RANBP9: variants seen among roughly 807,000 people sequenced by gnomAD.
RANBP9 encodes the protein ran-binding protein 9.
A neutral mutation model predicts 84.3 loss-of-function variants in RANBP9; 15 were observed. That is an observed-to-expected ratio of 0.18 (90% CI 0.12 to 0.27). The LOEUF (loss-of-function observed/expected upper bound fraction) is 0.27, where lower values mean the gene tolerates loss of function less well. Among genes scored for constraint, RANBP9 ranks in the 10% least tolerant of loss-of-function variants. The pLI, the probability that RANBP9 is intolerant of heterozygous loss-of-function variation, is 1.00. For synonymous variants in RANBP9, 392 were observed against 349.6 expected, an observed-to-expected ratio of 1.12 and a Z score of -1.35; for missense variants, 809 against 912.8, an observed-to-expected ratio of 0.89 and a Z score of 1.46.
At position 13,641,684 on chromosome 6, in the gene RANBP9, A is replaced by G. The variant is rs187687046; in HGVS notation, c.1226-377T>C. ...ACTGAAAAATGCTAGCTTTTGACTA[A>G]GATTCCAATTTAACAGAGACTCGTT... On this transcript the variant is annotated intron_variant, in intron 7 of 13. Coordinates refer to ENST00000011619, the MANE Select transcript of RANBP9 (RefSeq NM_005493.3). Among the ~76,000 whole-genome samples, 13 of 152,334 alleles carry G rather than the reference A, an allele frequency of 8.5e-5. 1 individual carries two copies. The highest frequency in any genetic ancestry group is 7.8e-4 in the Admixed American group (12 of 15,302).
chr6:13,680,942 TC>T (rs1420935723), intron 2 of RANBP9, among the ~76,000 whole-genome samples: 2 of 152,162 alleles, frequency 1.3e-5, no homozygotes, highest in African/African-American at 4.8e-5. Flanking sequence ...CCTCGAAGTA[TC>T]TTTGGGATAA....
chr6:13,635,567 T>C (rs1485093465), intron 10 of RANBP9, among the ~76,000 whole-genome samples: 1 of 151,122 alleles, frequency 6.6e-6, no homozygotes, highest in Non-Finnish European at 1.5e-5. Flanking sequence ...TTCTAACACC[T>C]TGGGGGTGTG....
At chr6:13,634,954 G>A (rs781146030) in intron 10 of RANBP9, among the ~76,000 whole-genome samples, 4 of 152,038 alleles carry the variant, frequency 2.6e-5, no homozygotes, top group Non-Finnish European at 2.9e-5. Flanking sequence ...GTATGTAAGG[G>A]GAAAACCTCA....
intron 1 of RANBP9, among the ~76,000 whole-genome samples, chr6:13,709,989 T>C (rs1359798917): frequency 6.6e-6 from 1 of 152,198 alleles, no homozygotes; most frequent in African/African-American, 2.4e-5. Flanking sequence ...ATACGTTAGG[T>C]TGATTTTTTT....
chr6:13,671,889 AC>A (rs1343312198), intron 2 of RANBP9, among the ~76,000 whole-genome samples: 3 of 152,280 alleles, frequency 2.0e-5, no homozygotes, highest in African/African-American at 7.2e-5. Flanking sequence ...AAGCAGAACA[AC>A]TGAAAATCAA....
At chr6:13,707,851 C>T (rs1325947286) in intron 1 of RANBP9, among the ~76,000 whole-genome samples, 9 of 152,214 alleles carry the variant, frequency 5.9e-5, no homozygotes, top group African/African-American at 2.2e-4. Flanking sequence ...ATCATTATAA[C>T]TAAGTCTAAA....
chr6:13,632,655 T>A (rs1193090866), intron 11 of RANBP9, 134 bp from the exon 12 acceptor site: 1 of 854,354 alleles, frequency 1.2e-6, no homozygotes, highest in Non-Finnish European at 1.8e-6. Flanking sequence ...TGCAGATTGT[T>A]AAAAATTCAT....
intron 6 of RANBP9, among the ~76,000 whole-genome samples, chr6:13,643,428 G>A (rs1478204461): frequency 6.6e-6 from 1 of 152,164 alleles, no homozygotes; most frequent in Non-Finnish European, 1.5e-5. Flanking sequence ...AGAAAATCGT[G>A]GGAAGCAGTG....
In RANBP9 at chr6:13,622,397, A is replaced by C. The variant is rs754094577; in HGVS notation, c.2155T>G (p.Cys719Gly). Reference protein sequence around the residue: ...GLMARSGIGSCAFATVEDYLH With the variant: ...GLMARSGIGSGAFATVEDYLH ...TAGTCTTCCACTGTGGCAAATGCGCAGGATCCAATTCCTGATCGAGCCATC... is the reference window on the plus strand; with the variant it reads ...TAGTCTTCCACTGTGGCAAATGCGCCGGATCCAATTCCTGATCGAGCCATC... The change falls in exon 14 of 14, where the codon TGC becomes GGC. Residue 719 changes from cysteine to glycine, a missense_variant. By Grantham distance (159) the Cys-to-Gly change is radical. This residue lies in a region of RANBP9 where 233 missense variants were observed against 234.4 expected (regional missense o/e 0.99). Coordinates refer to ENST00000011619, the MANE Select transcript of RANBP9 (RefSeq NM_005493.3). 2.6e-5 allele frequency: 42 copies of C among 1,599,884 alleles called. No homozygotes were observed. The highest frequency in any genetic ancestry group is 3.5e-5 in the Non-Finnish European group (41 of 1,172,974).
intron 2 of RANBP9, among the ~76,000 whole-genome samples, chr6:13,686,107 C>T (rs1361992975): frequency 0.15 from 1,024 of 6,644 alleles, 104 homozygotes; most frequent in Admixed American, 0.22. Flanking sequence ...TCTTCCCCCC[C>T]CCCCCCCCGC....
At position 13,711,230 on chromosome 6, in the gene RANBP9, AGGGGGAGGCGGGGGCGGCGGC is replaced by A; in HGVS notation, c.255_275del (p.Pro86_Pro92del). 2 of 319,562 alleles carry A rather than the reference AGGGGGAGGCGGGGGCGGCGGC, an allele frequency of 6.3e-6. No individual in the cohort carries two copies. Among genetic ancestry groups the A allele is most frequent in the South Asian group, 1.4e-4 (1 of 7,052 alleles). 19.8% of individuals were successfully genotyped at this position (319,562 alleles called of 1,614,324 possible). On this transcript the variant is annotated inframe_deletion, in exon 1 of 14. Coordinates refer to ENST00000011619, the MANE Select transcript of RANBP9 (RefSeq NM_005493.3). ...CGCTGGCGGGGGCAGCCGCTGAGGCAGGGGGAGGCGGGGGCGGCGGCGGGGGCGGCGGGGCCGCGGTGGCCG... is the reference window on the plus strand; with the variant it reads ...CGCTGGCGGGGGCAGCCGCTGAGGCAGGGGGCGGCGGGGCCGCGGTGGCCG...
chr6:13,636,333 A>G (rs1310989789), intron 10 of RANBP9, among the ~76,000 whole-genome samples: 3 of 152,250 alleles, frequency 2.0e-5, no homozygotes, highest in South Asian at 4.1e-4. Flanking sequence ...ATCTTTGCCT[A>G]CTTCACAGTT....
At chr6:13,703,308 A>G (rs1180085136) in intron 1 of RANBP9, among the ~76,000 whole-genome samples, 1 of 151,252 alleles carries the variant, frequency 6.6e-6, no homozygotes, top group Non-Finnish European at 1.5e-5. Context: ...TTCTCACTCT[A>G]TTCTCCCTCT....
At chr6:13,707,524 A>G (rs984509917) in intron 1 of RANBP9, among the ~76,000 whole-genome samples, 1 of 152,120 alleles carries the variant, frequency 6.6e-6, no homozygotes, top group South Asian at 2.1e-4. Context: ...TATCTACTTG[A>G]GATAATTAAG....
intron 13 of RANBP9, among the ~76,000 whole-genome samples, chr6:13,623,738 G>A (rs1764524119): frequency 6.6e-6 from 1 of 152,028 alleles, no homozygotes; most frequent in Non-Finnish European, 1.5e-5. Context: ...ACATATACAT[G>A]CCCATCTATA....
chr6:13,700,353 T>C (rs1048796820), intron 1 of RANBP9, among the ~76,000 whole-genome samples: 1 of 152,166 alleles, frequency 6.6e-6, no homozygotes, highest in Non-Finnish European at 1.5e-5. Context: ...CCTGAGCACC[T>C]TGTCTGGTCT....
At chr6:13,669,172 A>G (rs1463587875) in intron 2 of RANBP9, among the ~76,000 whole-genome samples, 1 of 152,196 alleles carries the variant, frequency 6.6e-6, no homozygotes, top group East Asian at 1.9e-4. Flanking sequence ...ATATAACAAA[A>G]GAAGTGTGAA....
intron 9 of RANBP9, among the ~76,000 whole-genome samples, chr6:13,639,057 C>T (rs1743037542): frequency 6.6e-6 from 1 of 152,148 alleles, no homozygotes; most frequent in Admixed American, 6.5e-5. Flanking sequence ...TGCTAATAAC[C>T]TATTCTCAGA....
chr6:13,633,496 T>C (rs1333595668), intron 11 of RANBP9, among the ~76,000 whole-genome samples: 1 of 152,214 alleles, frequency 6.6e-6, no homozygotes, highest in Non-Finnish European at 1.5e-5. Context: ...CAATAACTTA[T>C]GAGGTCGTTA....
Sources: gnomAD v4.1 joint callset for allele counts (sites outside exome capture counted in the v4.1 genomes callset) on GRCh38, gnomAD v4.1.1 for gene constraint, gnomAD v4.1.1 regional missense constraint, MANE v1.5 for transcripts, NCBI Gene and HGNC (gene_info 2026-07-23, HGNC 2026-07-21) for gene names.